GSG1L: variants seen among roughly 807,000 people sequenced by gnomAD.
GSG1L encodes GSG1 like.
In GSG1L, 24 loss-of-function variants were observed where a neutral mutation model predicts 42.1. That is an observed-to-expected ratio of 0.57 (90% CI 0.41 to 0.80). The LOEUF (loss-of-function observed/expected upper bound fraction) is 0.80, where lower values mean the gene tolerates loss of function less well. Ranked by LOEUF, GSG1L falls within the 30% of genes least tolerant of loss-of-function variation. The pLI is 0.00. For synonymous variants in GSG1L, 215 were observed against 203.5 expected (o/e 1.06, Z -0.48); for missense variants, 445 against 472.2 (o/e 0.94, Z 0.53).
At chr16:27,940,786 T>C (rs1462234876) in intron 2 of GSG1L, among the ~76,000 whole-genome samples, 1 of 150,486 alleles carries the variant, frequency 6.6e-6, no homozygotes, top group African/African-American at 2.5e-5. Flanking sequence ...CACACCAGCA[T>C]GGCACATGTA....
chr16:27,840,989 G>A lies in GSG1L; in HGVS notation c.662+3961C>T, dbSNP rs532798098. Reference sequence around the variant, plus strand: ...CAGCAAGCACCACCCAGATGAGCCCGGTCCACCACCAAACGTAAGAACAAA... The same window carrying A: ...CAGCAAGCACCACCCAGATGAGCCCAGTCCACCACCAAACGTAAGAACAAA... On this transcript the variant is annotated intron_variant, in intron 4 of 6. Transcript: ENST00000447459. Among the ~76,000 whole-genome samples, 11 of 152,208 alleles carry A rather than the reference G, an allele frequency of 7.2e-5. 1 individual carries two copies. The highest frequency in any genetic ancestry group is 2.6e-4 in the African/African-American group (11 of 41,526).
At chr16:27,866,389 C>A (rs552800628) in intron 3 of GSG1L, among the ~76,000 whole-genome samples, 1 of 152,268 alleles carries the variant, frequency 6.6e-6, no homozygotes, top group East Asian at 1.9e-4. Context: ...GTGCTCACTC[C>A]TTTAATCTGC....
intron 1 of GSG1L, among the ~76,000 whole-genome samples, chr16:27,997,622 A>G (rs1458581004): frequency 6.6e-6 from 1 of 152,060 alleles, no homozygotes; most frequent in Admixed American, 6.6e-5. Context: ...GGGTTGGGTT[A>G]CAAAGTTTGT....
chr16:28,009,797 T>C lies in GSG1L; in HGVS notation c.350-46594A>G, dbSNP rs112741057. Among the ~76,000 whole-genome samples, 134 of 152,296 alleles carry C rather than the reference T, an allele frequency of 8.8e-4. 2 individuals carry two copies. Among genetic ancestry groups the C allele is most frequent in the African/African-American group, 3.1e-3 (127 of 41,566 alleles). On this transcript the variant is annotated intron_variant, in intron 1 of 6. Transcript: ENST00000447459. ...CTCTCTCTGAGTCTCAGTTTCCTCA[T>C]CTGTAAAATGGGGATTATGACTTAA... is the stretch of plus-strand genomic sequence containing the variant.
intron 5 of GSG1L, among the ~76,000 whole-genome samples, chr16:27,811,912 A>T (rs1376357770): frequency 6.6e-6 from 1 of 151,962 alleles, no homozygotes; most frequent in South Asian, 2.1e-4. Context: ...CAGCCTCCCA[A>T]TGTGCTGGGA....
chr16:28,017,986 A>T (rs1407795649), intron 1 of GSG1L, among the ~76,000 whole-genome samples: 1 of 152,208 alleles, frequency 6.6e-6, no homozygotes, highest in Non-Finnish European at 1.5e-5. Context: ...TTCTTAGACT[A>T]TACAGATATG....
chr16:27,845,428 G>C (rs183493690), intron 3 of GSG1L, among the ~76,000 whole-genome samples: 1 of 152,082 alleles, frequency 6.6e-6, no homozygotes, highest in South Asian at 2.1e-4. Flanking sequence ...AGAAATGAGC[G>C]TCTTGCTATG....
At chr16:27,869,088 G>A (rs776978046) in intron 3 of GSG1L, among the ~76,000 whole-genome samples, 2 of 152,196 alleles carry the variant, frequency 1.3e-5, no homozygotes, top group East Asian at 1.9e-4. Context: ...AGCAGGGCTC[G>A]GGGCCTCCCG....
At chr16:27,916,167 C>T (rs1463610099) in intron 2 of GSG1L, among the ~76,000 whole-genome samples, 2 of 152,174 alleles carry the variant, frequency 1.3e-5, no homozygotes, top group Admixed American at 1.3e-4. Context: ...ACCAACTCTG[C>T]AGTATAATTC....
At chr16:28,024,471 G>C (rs914443139) in intron 1 of GSG1L, among the ~76,000 whole-genome samples, 11 of 152,220 alleles carry the variant, frequency 7.2e-5, no homozygotes, top group African/African-American at 2.7e-4. Context: ...AACAATCTAG[G>C]AAGCTACAAA....
intron 3 of GSG1L, among the ~76,000 whole-genome samples, chr16:27,880,743 T>C (rs2083942273): frequency 6.6e-6 from 1 of 152,118 alleles, no homozygotes; most frequent in Admixed American, 6.6e-5. Flanking sequence ...CGGTGTTGGC[T>C]GCCTGTGGCC....
chr16:28,018,857 T>A (rs1161365680), intron 1 of GSG1L, among the ~76,000 whole-genome samples: 2 of 152,156 alleles, frequency 1.3e-5, no homozygotes, highest in Non-Finnish European at 2.9e-5. Flanking sequence ...ATGCTCTGAA[T>A]TGCCTTTGAT....
chr16:27,847,341 G>A (rs114044613), intron 3 of GSG1L, among the ~76,000 whole-genome samples: 1,560 of 152,312 alleles, frequency 0.01, 35 homozygotes, highest in African/African-American at 0.035. Flanking sequence ...GAAATGGGGG[G>A]ATGTTGGCCA....
chr16:28,025,588 A>G (rs970790580), intron 1 of GSG1L, among the ~76,000 whole-genome samples: 2 of 152,214 alleles, frequency 1.3e-5, no homozygotes, highest in Non-Finnish European at 2.9e-5. Flanking sequence ...CTGTATCTTA[A>G]TCATCTCTGT....
chr16:27,914,529 T>C (rs2084429022), intron 2 of GSG1L, among the ~76,000 whole-genome samples: 1 of 140,394 alleles, frequency 7.1e-6, no homozygotes, highest in South Asian at 2.2e-4. Flanking sequence ...TTTTCTTTTC[T>C]ATTTTTTTTT....
At position 27,809,468 on chromosome 16, in the gene GSG1L, C is replaced by T. The variant is rs1439484072; in HGVS notation, c.831-1914G>A. ...TGATGTGTGCCTCTGGTCTCAGCTACAGTCTCGGCTGAGGTGGGAGGATCG... is the reference window on the plus strand; with the variant it reads ...TGATGTGTGCCTCTGGTCTCAGCTATAGTCTCGGCTGAGGTGGGAGGATCG... On this transcript the variant is annotated intron_variant, in intron 5 of 6. Transcript: ENST00000447459. Among the ~76,000 whole-genome samples the T allele has an allele frequency of 2.0e-5, 3 of 152,034 alleles. No homozygotes were observed. The East Asian group carries it at 5.8e-4, about 29-fold the overall frequency.
chr16:27,828,964 G>T lies in GSG1L; in HGVS notation c.663-8C>A, dbSNP rs2083245854. ...AAGGAGCCCCACGCCAGGCTGCCAA[G>T]AGATCAGGAGAGAGATGCCATCGTG... is the stretch of plus-strand genomic sequence containing the variant. On this transcript the variant is annotated splice_polypyrimidine_tract_variant and splice_region_variant and intron_variant, in intron 4 of 6. Coordinates refer to ENST00000447459, the MANE Select transcript of GSG1L (RefSeq NM_001109763.2). The T allele has an allele frequency of 1.2e-6, 2 of 1,613,450 alleles. No individual in the cohort carries two copies. The highest frequency in any genetic ancestry group is 2.7e-5 in the African/African-American group (2 of 74,910).
At chr16:28,008,958 G>A (rs558488017) in intron 1 of GSG1L, among the ~76,000 whole-genome samples, 33 of 152,116 alleles carry the variant, frequency 2.2e-4, no homozygotes, top group East Asian at 9.7e-4. Context: ...ACAGTTACCC[G>A]CCACCACGCC....
Position 27,808,077 on chromosome 16 carries a change from C to A in GSG1L, c.831-523G>T, listed in dbSNP as rs1030414516. ...CAACAGGCTCTTCTTCGCTAAGCAG[C>A]ATTTCCCTCCCCTCCGCCCACCCCA... On this transcript the variant is annotated intron_variant, in intron 5 of 6. Coordinates refer to ENST00000447459, the MANE Select transcript of GSG1L (RefSeq NM_001109763.2). 3.5e-4 allele frequency among the ~76,000 whole-genome samples: 53 copies of A among 151,882 alleles called. 1 individual carries two copies. The highest frequency in any genetic ancestry group is 1.3e-3 in the African/African-American group (52 of 41,534).
Sources: gnomAD v4.1 joint callset for allele counts (sites outside exome capture counted in the v4.1 genomes callset) on GRCh38, gnomAD v4.1.1 for gene constraint, MANE v1.5 for transcripts, NCBI Gene and HGNC (gene_info 2026-07-23, HGNC 2026-07-21) for gene names.